The following KCNH5 variants were observed in gnomAD, a reference collection of about 807,000 sequenced individuals.
KCNH5 encodes the protein voltage-gated delayed rectifier potassium channel KCNH5.
Under a neutral mutation model 96.1 loss-of-function variants are expected in KCNH5, and 46 were observed. That is an observed-to-expected ratio of 0.48 (90% CI 0.38 to 0.61). KCNH5 has a LOEUF of 0.61. Among genes scored for constraint, KCNH5 ranks in the 20% least tolerant of loss-of-function variants. The pLI, the probability that KCNH5 is intolerant of heterozygous loss-of-function variation, is 0.00. For synonymous variants in KCNH5, 439 were observed against 449.8 expected, an observed-to-expected ratio of 0.98 and a Z score of 0.30; for missense variants, 907 against 1,225.8, an observed-to-expected ratio of 0.74 and a Z score of 3.88.
chr14:62,877,016 A>G (rs112930094), intron 7 of KCNH5, among the ~76,000 whole-genome samples: 7,638 of 152,184 alleles, frequency 0.05, 643 homozygotes, highest in African/African-American at 0.17. Flanking sequence ...GTTTTTCTCA[A>G]GTTTGTCAAA....
chr14:63,029,129 T>A (rs984940611), intron 1 of KCNH5, among the ~76,000 whole-genome samples: 11 of 152,182 alleles, frequency 7.2e-5, no homozygotes, highest in African/African-American at 2.7e-4. Context: ...AAACTGCTTT[T>A]ACCATTTCTG....
intron 10 of KCNH5, among the ~76,000 whole-genome samples, chr14:62,776,709 G>C (rs888845173): frequency 6.6e-6 from 1 of 152,120 alleles, no homozygotes; most frequent in South Asian, 2.1e-4. Flanking sequence ...TCGTCAATTC[G>C]TAGAATTTGA....
intron 1 of KCNH5, 141 bp from the exon 2 acceptor site, chr14:63,017,095 T>C: frequency 1.3e-6 from 1 of 746,926 alleles, no homozygotes; most frequent in Non-Finnish European, 2.0e-6. Flanking sequence ...AACCTGTTCT[T>C]GAAACTGACA....
At chr14:62,797,091 A>G (rs1886557042) in intron 9 of KCNH5, among the ~76,000 whole-genome samples, 1 of 152,168 alleles carries the variant, frequency 6.6e-6, no homozygotes, top group Non-Finnish European at 1.5e-5. Context: ...CCAAAATTTT[A>G]AGAACACTGA....
At chr14:62,932,656 C>T (rs1280620575) in intron 7 of KCNH5, among the ~76,000 whole-genome samples, 8 of 151,838 alleles carry the variant, frequency 5.3e-5, no homozygotes, top group Admixed American at 6.6e-5. Flanking sequence ...GGGATGAAAA[C>T]GAATCCATAG....
intron 10 of KCNH5, among the ~76,000 whole-genome samples, chr14:62,727,251 G>A (rs2139919879): frequency 6.6e-6 from 1 of 152,196 alleles, no homozygotes; most frequent in African/African-American, 2.4e-5. Context: ...TGCCATCCCA[G>A]CTACTTGGGA....
intron 10 of KCNH5, among the ~76,000 whole-genome samples, chr14:62,773,787 A>C (rs1886039436): frequency 6.6e-6 from 1 of 152,242 alleles, no homozygotes; most frequent in African/African-American, 2.4e-5. Flanking sequence ...AGTTTCAAGG[A>C]AATGAAATTC....
At position 62,758,777 on chromosome 14, in the gene KCNH5, C is replaced by T. The variant is rs117263485; in HGVS notation, c.2019+20951G>A. 3.3e-5 allele frequency among the ~76,000 whole-genome samples: 5 copies of T among 152,216 alleles called. No individual in the cohort carries two copies. The East Asian group carries it at 9.7e-4, about 29-fold the overall frequency. ...TACAGTAAATACCAACCAAATGTTA[C>T]AGCAATTGGTTGTAGGTTAGTATGG... On this transcript the variant is annotated intron_variant, in intron 10 of 10. Transcript: ENST00000322893.
intron 8 of KCNH5, among the ~76,000 whole-genome samples, chr14:62,844,088 T>C (rs1887643627): frequency 6.6e-6 from 1 of 152,198 alleles, no homozygotes; most frequent in African/African-American, 2.4e-5. Flanking sequence ...TCTAAAGGCA[T>C]ACTCCTACCT....
intron 9 of KCNH5, among the ~76,000 whole-genome samples, chr14:62,780,689 C>T (rs1331964593): frequency 1.3e-5 from 2 of 152,140 alleles, no homozygotes; most frequent in Non-Finnish European, 1.5e-5. Flanking sequence ...TGAACTCAAC[C>T]ATTTATCATT....
chr14:62,900,770 A>C (rs1327534064), intron 7 of KCNH5, among the ~76,000 whole-genome samples: 1 of 152,164 alleles, frequency 6.6e-6, no homozygotes, highest in Admixed American at 6.5e-5. Flanking sequence ...GGTCAACAAA[A>C]CTAAAAGTTT....
intron 9 of KCNH5, 21 bp from the exon 10 acceptor site, chr14:62,779,945 C>T: frequency 6.3e-7 from 1 of 1,585,884 alleles, no homozygotes; most frequent in Non-Finnish European, 8.6e-7. Context: ...GTATAAGATA[C>T]ATATTCAAGT....
chr14:62,853,494 A>ATATATATATGATATATATATATATATATG (rs375695583), intron 7 of KCNH5, among the ~76,000 whole-genome samples: 1 of 102,072 alleles, frequency 9.8e-6, no homozygotes, highest in African/African-American at 3.5e-5. Context: ...ATATATATAT[A>ATATATATATGATATATATATATATATATG]ATCTTGGCCA....
intron 1 of KCNH5, among the ~76,000 whole-genome samples, chr14:63,024,937 G>T (rs1891498312): frequency 6.6e-6 from 1 of 152,016 alleles, no homozygotes; most frequent in Non-Finnish European, 1.5e-5. Context: ...TACGAAAATA[G>T]AAAATTATCT....
At chr14:62,713,087 T>C (rs891887700) in intron 10 of KCNH5, among the ~76,000 whole-genome samples, 1 of 152,226 alleles carries the variant, frequency 6.6e-6, no homozygotes, top group South Asian at 2.1e-4. Flanking sequence ...CTAACTGCTA[T>C]ATCTCTAGTG....
At chr14:62,919,246 T>C (rs1889335820) in intron 7 of KCNH5, among the ~76,000 whole-genome samples, 2 of 152,254 alleles carry the variant, frequency 1.3e-5, no homozygotes, top group South Asian at 4.1e-4. Context: ...ATTTTCTGTA[T>C]TGCTTCATTT....
intron 7 of KCNH5, among the ~76,000 whole-genome samples, chr14:62,872,663 A>G (rs1357345919): frequency 6.6e-6 from 1 of 152,196 alleles, no homozygotes; most frequent in East Asian, 1.9e-4. Context: ...ACTGCACTCC[A>G]GCCTGGGCAA....
intron 10 of KCNH5, among the ~76,000 whole-genome samples, chr14:62,738,055 A>T (rs1225736987): frequency 6.6e-6 from 1 of 152,142 alleles, no homozygotes. Context: ...ACACTCCGGC[A>T]TCACCACTCT....
At chr14:62,715,850 GGGAGGGAGGAAA>G (rs1288109975) in intron 10 of KCNH5, among the ~76,000 whole-genome samples, 1 of 152,122 alleles carries the variant, frequency 6.6e-6, no homozygotes, top group Non-Finnish European at 1.5e-5. Context: ...GAGGGACTGA[GGGAGGGAGGAAA>G]GGAGGGATAG....
Sources: gnomAD v4.1 joint callset for allele counts (sites outside exome capture counted in the v4.1 genomes callset) on GRCh38, gnomAD v4.1.1 for gene constraint, MANE v1.5 for transcripts, NCBI Gene and HGNC (gene_info 2026-07-23, HGNC 2026-07-21) for gene names.